SLC52A3: variants seen among roughly 807,000 people sequenced by gnomAD.
SLC52A3 encodes solute carrier family 52 member 3.
Under a neutral mutation model 29.5 loss-of-function variants are expected in SLC52A3, and 20 were observed. The observed-to-expected ratio is 0.68, with a 90% CI of 0.48 to 0.99. The LOEUF (loss-of-function observed/expected upper bound fraction) is 0.99. SLC52A3 is among the 50% of genes least tolerant of loss of function. The pLI is 0.00. For missense variants in SLC52A3, 548 were observed against 612.9 expected, an observed-to-expected ratio of 0.89 and a Z score of 1.12; for synonymous variants, 301 against 271.0, an observed-to-expected ratio of 1.11 and a Z score of -1.09.
upstream of SLC52A3, among the ~76,000 whole-genome samples, chr20:771,466 T>A (rs1369770272): frequency 6.6e-6 from 1 of 152,076 alleles, no homozygotes; most frequent in Non-Finnish European, 1.5e-5. Context: ...AACTACTCCA[T>A]ACTAAGTGCA....
chr20:769,311 T>G (rs1336853920), upstream of SLC52A3, among the ~76,000 whole-genome samples: 1 of 152,204 alleles, frequency 6.6e-6, no homozygotes, highest in Non-Finnish European at 1.5e-5. Flanking sequence ...TTGGCCTCTT[T>G]CTCTGTTCTA....
At chr20:772,121 A>G (rs79686157), upstream of SLC52A3, among the ~76,000 whole-genome samples, 2,563 of 152,336 alleles carry the variant, frequency 0.017, 71 homozygotes, top group African/African-American at 0.058. Flanking sequence ...GCTTTCCCAC[A>G]GAGGGCTGGA....
upstream of SLC52A3, among the ~76,000 whole-genome samples, chr20:777,912 T>C (rs1024332035): frequency 1.3e-5 from 2 of 152,136 alleles, no homozygotes; most frequent in African/African-American, 2.4e-5. Flanking sequence ...GGAAAGCTAT[T>C]CTTTGGTAAA....
chr20:765,401 G>T lies in SLC52A3; in HGVS notation c.374C>A (p.Thr125Asn), dbSNP rs767263985. 104 of 1,613,978 alleles carry T rather than the reference G, an allele frequency of 6.4e-5. No individual in the cohort carries two copies. The highest frequency in any genetic ancestry group is 8.4e-5 in the Non-Finnish European group (99 of 1,179,986). Reference protein sequence around the residue: ...LALVDCTSSVTFLPFMSRLPT... With the variant: ...LALVDCTSSVNFLPFMSRLPT... ...CAGCCGGCTCATGAACGGCAGGAAG[G>T]TCACTGAAGAGGTGCAGTCCACCAG... is the stretch of plus-strand genomic sequence containing the variant. The change falls in exon 2 of 5, where the codon ACC becomes AAC. Residue 125 changes from threonine to asparagine, a missense_variant. By Grantham distance (65) the Thr-to-Asn change is moderately conservative. Transcript: ENST00000645534. This position sits in a 1 kb window ranked among gnomAD's most constrained non-coding sequence, Gnocchi z 6.6.
upstream of SLC52A3, among the ~76,000 whole-genome samples, chr20:770,115 C>T (rs938702810): frequency 6.6e-6 from 1 of 151,318 alleles, no homozygotes; most frequent in African/African-American, 2.4e-5. This position sits in a 1 kb window ranked among gnomAD's most constrained non-coding sequence, Gnocchi z 4.5. Context: ...TTTATGTAAA[C>T]GTGCTATTTG....
rs79185474 is a variant in SLC52A3 at position 765,995 on chromosome 20, T to A, written c.-51-170A>T. ...TCTTTTAGTCCAGGCTGGAGTGCAA[T>A]GGGATGATCTCGGCTCAGTGACCCT... On this transcript the variant is annotated intron_variant, in intron 1 of 4. Transcript: ENST00000645534. The surrounding 1 kb of genome is among the most constrained non-coding windows in gnomAD (Gnocchi z 6.6). The A allele has an allele frequency of 1.0e-3, 584 of 576,672 alleles. 3 individuals carry two copies. The African/African-American group carries it at 0.01, about 10-fold the overall frequency. 35.7% of individuals were successfully genotyped at this position (576,672 alleles called of 1,614,324 possible). A position where few individuals can be genotyped will look rare whatever the true frequency, so the allele number is the denominator to read the frequency against.
At chr20:777,834 C>G (rs888286378), upstream of SLC52A3, among the ~76,000 whole-genome samples, 7 of 152,140 alleles carry the variant, frequency 4.6e-5, no homozygotes, top group South Asian at 1.2e-3. Context: ...TGTGCCACCC[C>G]CAAATACACC....
chr20:771,385 C>G (rs148426943), upstream of SLC52A3, among the ~76,000 whole-genome samples: 3 of 152,094 alleles, frequency 2.0e-5, no homozygotes, highest in African/African-American at 7.2e-5. Context: ...CAAGAGCACG[C>G]CAGTGCACTC....
In SLC52A3 at chr20:760,879, A is replaced by G; in HGVS notation, c.*147T>C. On this transcript the variant is annotated 3_prime_UTR_variant, in exon 5 of 5. Transcript: ENST00000645534. This position sits in a 1 kb window ranked among gnomAD's most constrained non-coding sequence, Gnocchi z 4.9. Reference sequence around the variant, plus strand: ...GCCGCACCTTGCATTTCCAGGTGCCATCTTCCCCACAGTCCCCAGTGGGCA... The same window carrying G: ...GCCGCACCTTGCATTTCCAGGTGCCGTCTTCCCCACAGTCCCCAGTGGGCA... 2.5e-6 allele frequency: 2 copies of G among 787,048 alleles called. No homozygotes were observed. The highest frequency in any genetic ancestry group is 1.8e-5 in the South Asian group (1 of 56,984). 48.8% of individuals were successfully genotyped at this position (787,048 alleles called of 1,614,324 possible).
Position 765,884 on chromosome 20 carries a change from GA to G in SLC52A3, c.-51-60del. 1 of 1,094,336 alleles carries G rather than the reference GA, an allele frequency of 9.1e-7. No individual in the cohort carries two copies. Among genetic ancestry groups the G allele is most frequent in the Non-Finnish European group, 1.4e-6 (1 of 737,132 alleles). The allele number at this position is 1,094,336 out of a possible 1,614,324, so 67.8% of individuals were successfully genotyped here. On this transcript the variant is annotated intron_variant, in intron 1 of 4. Transcript: ENST00000645534. This position sits in a 1 kb window ranked among gnomAD's most constrained non-coding sequence, Gnocchi z 6.6. ...GCTTCACCACCTAGCAAGATGCTGG[GA>G]CCTGGGGCCCAGAGTTTTCTCTTAT...
chr20:774,812 C>T (rs1317077973), intron 1 of SLC52A3, among the ~76,000 whole-genome samples: 1 of 152,178 alleles, frequency 6.6e-6, no homozygotes, highest in Non-Finnish European at 1.5e-5. Flanking sequence ...AACCAAGGCC[C>T]AGAGAGGAGA....
chr20:770,502 G>A (rs1012310848), upstream of SLC52A3, among the ~76,000 whole-genome samples: 9 of 152,164 alleles, frequency 5.9e-5, no homozygotes, highest in African/African-American at 2.2e-4. The surrounding 1 kb of genome is among the most constrained non-coding windows in gnomAD (Gnocchi z 4.5). Flanking sequence ...TGTAAAAACT[G>A]TTTTTGAAGT....
In SLC52A3 at chr20:763,734, C is replaced by T; in HGVS notation, c.837G>A (p.Val279=). The change falls in exon 3 of 5, where the codon GTG becomes GTA. Residue 279 remains valine (V), a synonymous_variant. Coordinates refer to ENST00000645534, the MANE Select transcript of SLC52A3 (RefSeq NM_033409.4). The part of the protein sequence containing the change: ...EENDLGPAGT[V]DSSQGQGYLE... ...GATACCCCTGGCCCTGGCTGCTGTC[C>T]ACCGTGCCTGCAGGGCCCAAGTCAT... 1 of 1,614,168 alleles carries T rather than the reference C, an allele frequency of 6.2e-7. No homozygotes were observed. Among genetic ancestry groups the T allele is most frequent in the Non-Finnish European group, 8.5e-7 (1 of 1,180,004 alleles).
chr20:761,102 A>G lies in SLC52A3; in HGVS notation c.1334T>C (p.Leu445Pro), dbSNP rs761224042. 1.2e-6 allele frequency: 2 copies of G among 1,606,822 alleles called. No homozygotes were observed. Among genetic ancestry groups the G allele is most frequent in the Non-Finnish European group, 1.7e-6 (2 of 1,177,360 alleles). ...AVQLGSLLGALLMFPLVNVLR... is the reference protein window; with the variant it reads ...AVQLGSLLGAPLMFPLVNVLR... ...CACGTTGACCAGAGGGAACATGAGC[A>G]GCGCTCCGAGCAGCGAGCCCAGCTG... Residue 445 changes from leucine to proline, a missense_variant, in exon 5 of 5, where the codon CTG becomes CCG. Leu to Pro is a moderately conservative substitution (Grantham distance 98). Coordinates refer to ENST00000645534, the MANE Select transcript of SLC52A3 (RefSeq NM_033409.4).
rs766720641 is a variant in SLC52A3 at position 763,877 on chromosome 20, C to A, written c.694G>T (p.Ala232Ser). 6.8e-6 allele frequency: 11 copies of A among 1,614,084 alleles called. No individual in the cohort carries two copies. The highest frequency in any genetic ancestry group is 9.3e-6 in the Non-Finnish European group (11 of 1,180,014). ...ACAAAGAACGCCACGAGGCAGCAGG[C>A]CATCATGATGGATAGGAGGAGGAAG... Reference protein sequence around the residue: ...VFFLLLSIMMACCLVAFFVLQ... With the variant: ...VFFLLLSIMMSCCLVAFFVLQ... Residue 232 changes from alanine (A) to serine (S), a missense_variant, in exon 3 of 5, where the codon GCC becomes TCC. By Grantham distance (99) the Ala-to-Ser change is moderately conservative (BLOSUM62 1). This residue lies in a region of SLC52A3 where 375 missense variants were observed against 471.1 expected (regional missense o/e 0.80). Transcript: ENST00000645534.
rs3746803 is a variant in SLC52A3, at chr20:763,738, G to C, written c.833C>G (p.Thr278Arg). The change falls in exon 3 of 5, where the codon ACG becomes AGG. Residue 278 changes from threonine (T) to arginine (R), a missense_variant. Physicochemically the swap from Thr to Arg is moderately conservative, Grantham distance 71 (BLOSUM62 -1). Around this residue, in one of 2 missense-constraint regions of SLC52A3, gnomAD observed 375 missense variants for 471.1 expected, o/e 0.80. Transcript: ENST00000645534. ...REENDLGPAG[T>R]VDSSQGQGYL... ...CCCCTGGCCCTGGCTGCTGTCCACCGTGCCTGCAGGGCCCAAGTCATTCTC... is the reference window on the plus strand; with the variant it reads ...CCCCTGGCCCTGGCTGCTGTCCACCCTGCCTGCAGGGCCCAAGTCATTCTC... The C allele has an allele frequency of 1.2e-5, 20 of 1,614,048 alleles. No individual in the cohort carries two copies. In the African/African-American group the frequency reaches 2.4e-4, roughly 19 times the overall value.
In SLC52A3 at chr20:765,821, C is replaced by T. The variant is rs376399913; in HGVS notation, c.-47G>A. 1.5e-4 allele frequency: 232 copies of T among 1,574,766 alleles called. No individual in the cohort carries two copies. The highest frequency in any genetic ancestry group is 3.8e-4 in the South Asian group (33 of 87,540). ...GAGGCTTTCTCAGATCAGCCTGCAGCGGGGCTGGCAGAGAAGGACACCAGG... is the reference window on the plus strand; with the variant it reads ...GAGGCTTTCTCAGATCAGCCTGCAGTGGGGCTGGCAGAGAAGGACACCAGG... On this transcript the variant is annotated 5_prime_UTR_variant, in exon 2 of 5. Coordinates refer to ENST00000645534, the MANE Select transcript of SLC52A3 (RefSeq NM_033409.4). This position sits in a 1 kb window ranked among gnomAD's most constrained non-coding sequence, Gnocchi z 6.6.
At chr20:776,489 A>G (rs922381222), upstream of SLC52A3, among the ~76,000 whole-genome samples, 3 of 152,126 alleles carry the variant, frequency 2.0e-5, no homozygotes, top group Non-Finnish European at 2.9e-5. Flanking sequence ...GAGAGATGCT[A>G]TTACTATCCC....
chr20:762,304 G>C (rs953145219), intron 3 of SLC52A3, among the ~76,000 whole-genome samples: 4 of 152,230 alleles, frequency 2.6e-5, no homozygotes, highest in African/African-American at 9.6e-5. Flanking sequence ...TGGCACAGTA[G>C]GGTTTGCTGT....
Sources: gnomAD v4.1 joint callset for allele counts (sites outside exome capture counted in the v4.1 genomes callset) on GRCh38, gnomAD v4.1.1 for gene constraint, gnomAD v4.1.1 regional missense constraint, Gnocchi (gnomAD v3.1) non-coding constraint, MANE v1.5 for transcripts, NCBI Gene and HGNC (gene_info 2026-07-23, HGNC 2026-07-21) for gene names.